The following CALN1 variants were observed in gnomAD, a reference collection of about 807,000 sequenced individuals.
CALN1 encodes calcium-binding protein 8.
Under a neutral mutation model 30.6 loss-of-function variants are expected in CALN1, and 17 were observed. The ratio of observed to expected loss-of-function variants is 0.56; its 90% CI spans 0.38 to 0.83. The LOEUF (loss-of-function observed/expected upper bound fraction) is 0.83. CALN1 is among the 40% of genes least tolerant of loss of function. CALN1 has a pLI of 0.00. For missense variants in CALN1, 291 were observed against 354.9 expected (o/e 0.82, Z 1.45); for synonymous variants, 156 against 131.4 (o/e 1.19, Z -1.28).
intron 2 of CALN1, among the ~76,000 whole-genome samples, chr7:72,327,195 G>C (rs149442900): frequency 6.1e-4 from 93 of 152,292 alleles, no homozygotes; most frequent in African/African-American, 2.1e-3. Flanking sequence ...CAATGGTTCT[G>C]AGTAACACTT....
chr7:72,093,031 G>A (rs1805980406), intron 4 of CALN1, among the ~76,000 whole-genome samples: 1 of 152,082 alleles, frequency 6.6e-6, no homozygotes, highest in Non-Finnish European at 1.5e-5. Flanking sequence ...TATTGCTGCA[G>A]CATAACTTAG....
At chr7:71,865,625 C>T (rs958151141) in intron 5 of CALN1, among the ~76,000 whole-genome samples, 3 of 152,160 alleles carry the variant, frequency 2.0e-5, no homozygotes, top group East Asian at 1.9e-4. Flanking sequence ...AACATTAAAA[C>T]GTAGTTTTGT....
chr7:72,070,195 G>A (rs1231522604), intron 4 of CALN1, among the ~76,000 whole-genome samples: 1 of 152,204 alleles, frequency 6.6e-6, no homozygotes, highest in Non-Finnish European at 1.5e-5. Flanking sequence ...CATATGAAAA[G>A]GGAGGGCAGA....
intron 3 of CALN1, among the ~76,000 whole-genome samples, chr7:72,161,033 T>C (rs1788070287): frequency 6.6e-6 from 1 of 152,214 alleles, no homozygotes; most frequent in African/African-American, 2.4e-5. Flanking sequence ...CTGGGATATC[T>C]TGTGCTTTTC....
chr7:71,885,703 A>G (rs1265372241), intron 5 of CALN1, among the ~76,000 whole-genome samples: 1 of 152,242 alleles, frequency 6.6e-6, no homozygotes, highest in East Asian at 1.9e-4. Context: ...TGCTGAGGTT[A>G]GCACATAAAC....
At chr7:72,478,785 T>C in the CALN1 span, among the ~76,000 whole-genome samples, 1 of 151,946 alleles carries the variant, frequency 6.6e-6, no homozygotes, top group African/African-American at 2.4e-5. Context: ...ATTAAAATAA[T>C]AAATTATAGG....
intron 2 of CALN1, among the ~76,000 whole-genome samples, chr7:72,352,167 A>AAAACAAAC (rs72441588): frequency 1.3e-5 from 2 of 151,228 alleles, no homozygotes; most frequent in East Asian, 2.0e-4. Flanking sequence ...ACTCCGTCTC[A>AAAACAAAC]AAACAAACAA....
At chr7:72,260,583 G>T (rs1796199302) in intron 3 of CALN1, among the ~76,000 whole-genome samples, 1 of 152,156 alleles carries the variant, frequency 6.6e-6, no homozygotes, top group Admixed American at 6.5e-5. Flanking sequence ...ACTTTTCCCA[G>T]AAAGAGTGGC....
intron 3 of CALN1, among the ~76,000 whole-genome samples, chr7:72,143,162 C>T (rs935962118): frequency 2.6e-4 from 40 of 151,962 alleles, no homozygotes; most frequent in Admixed American, 4.6e-4. Context: ...AGGCTACAGA[C>T]GATCAAACTT....
intron 3 of CALN1, among the ~76,000 whole-genome samples, chr7:72,270,246 C>A (rs1463954230): frequency 6.6e-6 from 1 of 151,974 alleles, no homozygotes; most frequent in Non-Finnish European, 1.5e-5. Context: ...CACTTGAGCC[C>A]AGGAGATCAA....
chr7:72,098,002 C>G, intron 4 of CALN1, among the ~76,000 whole-genome samples: 1 of 152,216 alleles, frequency 6.6e-6, no homozygotes, highest in South Asian at 2.1e-4. Context: ...GCGTGAGCCA[C>G]CACGCCCGGC....
chr7:71,959,097 C>T (rs543015217), intron 5 of CALN1, among the ~76,000 whole-genome samples: 1 of 152,180 alleles, frequency 6.6e-6, no homozygotes, highest in Non-Finnish European at 1.5e-5. Flanking sequence ...CTATCAAAGG[C>T]TAGGAGAGAA....
intron 3 of CALN1, among the ~76,000 whole-genome samples, chr7:72,111,573 T>C (rs1807578078): frequency 1.3e-5 from 2 of 152,058 alleles, no homozygotes; most frequent in African/African-American, 4.8e-5. Flanking sequence ...TCCTCCTGCC[T>C]TGGCCTCTTG....
chr7:72,500,100 G>A, the CALN1 span, among the ~76,000 whole-genome samples: 1 of 144,100 alleles, frequency 6.9e-6, no homozygotes, highest in African/African-American at 2.6e-5. Flanking sequence ...TTAGTAGAGA[G>A]AGGGTTTCAC....
chr7:72,302,929 C>T (rs1174563225), intron 2 of CALN1, among the ~76,000 whole-genome samples: 6 of 124,972 alleles, frequency 4.8e-5, no homozygotes, highest in African/African-American at 1.7e-4. Context: ...GAAAAGAATC[C>T]GGGCCTGGTG....
At chr7:71,961,080 G>C (rs1200369401) in intron 5 of CALN1, among the ~76,000 whole-genome samples, 3 of 152,180 alleles carry the variant, frequency 2.0e-5, no homozygotes, top group African/African-American at 7.2e-5. Flanking sequence ...GCCTCCCAAA[G>C]TGCTGGAATT....
intron 3 of CALN1, among the ~76,000 whole-genome samples, chr7:72,261,551 A>C (rs1277931474): frequency 1.3e-5 from 2 of 152,100 alleles, no homozygotes; most frequent in East Asian, 3.9e-4. Context: ...CAGCATCACA[A>C]ATAGCTGGGA....
chr7:72,018,718 T>A (rs1009563971), intron 5 of CALN1, among the ~76,000 whole-genome samples: 4 of 152,188 alleles, frequency 2.6e-5, no homozygotes, highest in Non-Finnish European at 4.4e-5. Flanking sequence ...GCTCATAACT[T>A]TTGCGACTAG....
chr7:72,391,846 C>G (rs1011546238), intron 2 of CALN1, among the ~76,000 whole-genome samples: 2 of 152,076 alleles, frequency 1.3e-5, no homozygotes, highest in Non-Finnish European at 2.9e-5. Flanking sequence ...TATAAATTAC[C>G]CAGTCTCAGG....
Sources: gnomAD v4.1 joint callset for allele counts (sites outside exome capture counted in the v4.1 genomes callset) on GRCh38, gnomAD v4.1.1 for gene constraint, MANE v1.5 for transcripts, NCBI Gene and HGNC (gene_info 2026-07-23, HGNC 2026-07-21) for gene names.